The following RBFOX1 variants were observed in gnomAD, a reference collection of about 807,000 sequenced individuals.
The protein encoded by RBFOX1 is RNA binding fox-1 homolog 1.
A neutral mutation model predicts 57.7 loss-of-function variants in RBFOX1; 8 were observed. The ratio of observed to expected loss-of-function variants is 0.14; its 90% CI spans 0.08 to 0.25. The LOEUF is 0.25. Among genes scored for constraint, RBFOX1 ranks in the 10% least tolerant of loss-of-function variants. The pLI, the probability that RBFOX1 is intolerant of heterozygous loss-of-function variation, is 1.00. For missense variants in RBFOX1, 611 were observed against 548.5 expected (o/e 1.11, Z -1.14); for synonymous variants, 326 against 222.4 (o/e 1.47, Z -4.15).
chr16:5,967,600 C>T (rs1052421355), intron 4 of RBFOX1, among the ~76,000 whole-genome samples: 3 of 152,026 alleles, frequency 2.0e-5, no homozygotes, highest in Non-Finnish European at 4.4e-5. Flanking sequence ...TAAAATACAC[C>T]ATGGGCTCAT....
intron 2 of RBFOX1, among the ~76,000 whole-genome samples, chr16:5,575,852 A>G (rs532899936): frequency 1.5e-3 from 225 of 150,902 alleles, no homozygotes; most frequent in African/African-American, 5.3e-3. Context: ...CTCTCATTCA[A>G]AAAAAAAATA....
At chr16:6,073,754 G>T (rs1415298073) in intron 1 of RBFOX1, among the ~76,000 whole-genome samples, 4 of 151,982 alleles carry the variant, frequency 2.6e-5, no homozygotes, top group African/African-American at 9.7e-5. Context: ...TTTTTAAATT[G>T]CTGGAATGTT....
At chr16:7,652,347 ACTC>A (rs776575264) in intron 11 of RBFOX1, among the ~76,000 whole-genome samples, 3 of 151,874 alleles carry the variant, frequency 2.0e-5, no homozygotes, top group Non-Finnish European at 4.4e-5. Context: ...CCCCTTCCTA[ACTC>A]CTCCTCACCT....
rs530259919 is a variant in RBFOX1 at position 5,270,292 on chromosome 16, A to G, written c.219+30187A>G. 85 of 666,514 alleles carry G rather than the reference A, an allele frequency of 1.3e-4. 1 individual carries two copies. The highest frequency in any genetic ancestry group is 4.4e-4 in the Middle Eastern group (1 of 2,284). 41.3% of individuals were successfully genotyped at this position (666,514 alleles called of 1,614,324 possible). A position where few individuals can be genotyped will look rare whatever the true frequency, so the allele number is the denominator to read the frequency against. ...GATGTAAAAGCACCTGCTATGTTCA[A>G]TGTAAGAAATATTGGAAAGACTTGG... On this transcript the variant is annotated intron_variant, in intron 1 of 2. Transcript: ENST00000585867.
intron 1 of RBFOX1, among the ~76,000 whole-genome samples, chr16:6,272,618 T>G (rs2075327720): frequency 6.6e-6 from 1 of 152,148 alleles, no homozygotes; most frequent in South Asian, 2.1e-4. Flanking sequence ...GCCATGAAAT[T>G]TAAAAAGCTT....
At chr16:5,978,056 A>T (rs1315115672) in intron 4 of RBFOX1, among the ~76,000 whole-genome samples, 1 of 146,076 alleles carries the variant, frequency 6.8e-6, no homozygotes, top group Non-Finnish European at 1.5e-5. Context: ...AAGCTTTCCA[A>T]AGTGGAAGGA....
At chr16:6,304,334 A>G (rs958665619) in intron 1 of RBFOX1, among the ~76,000 whole-genome samples, 4 of 152,032 alleles carry the variant, frequency 2.6e-5, no homozygotes, top group Non-Finnish European at 5.9e-5. Context: ...TGCATTCCCA[A>G]TGATGTGTTT....
intron 2 of RBFOX1, among the ~76,000 whole-genome samples, chr16:6,344,734 A>G (rs1222409047): frequency 7.6e-6 from 1 of 131,626 alleles, no homozygotes; most frequent in Non-Finnish European, 1.5e-5. Context: ...TCTGTCGCCA[A>G]GGCTGGAGTG....
At chr16:7,460,865 A>T (rs1289256113) in intron 4 of RBFOX1, among the ~76,000 whole-genome samples, 1 of 152,182 alleles carries the variant, frequency 6.6e-6, no homozygotes, top group Non-Finnish European at 1.5e-5. Flanking sequence ...TCTTGGGCAG[A>T]GTCTGATATT....
intron 4 of RBFOX1, among the ~76,000 whole-genome samples, chr16:7,498,726 A>T (rs1323617716): frequency 6.6e-6 from 1 of 152,144 alleles, no homozygotes; most frequent in African/African-American, 2.4e-5. Flanking sequence ...ACACCCAATG[A>T]CCACACATGG....
chr16:5,841,137 C>T (rs891370779), intron 3 of RBFOX1, among the ~76,000 whole-genome samples: 1 of 152,130 alleles, frequency 6.6e-6, no homozygotes, highest in Non-Finnish European at 1.5e-5. Flanking sequence ...TTGCGTCAAA[C>T]ATTTTACATA....
intron 13 of RBFOX1, among the ~76,000 whole-genome samples, chr16:7,674,280 C>G (rs746876663): frequency 2.0e-4 from 30 of 152,124 alleles, no homozygotes; most frequent in Admixed American, 4.6e-4. Context: ...ATTGTCCAAT[C>G]CTTTGGCCAC....
chr16:6,118,789 C>CCT (rs1394264785), intron 1 of RBFOX1, among the ~76,000 whole-genome samples: 1 of 148,728 alleles, frequency 6.7e-6, no homozygotes, highest in African/African-American at 2.5e-5. Context: ...CCCTCTCTTT[C>CCT]TCTCTCTCCT....
intron 7 of RBFOX1, among the ~76,000 whole-genome samples, chr16:7,594,308 T>C (rs1022060046): frequency 2.0e-5 from 3 of 152,196 alleles, no homozygotes; most frequent in African/African-American, 7.2e-5. Flanking sequence ...CTAAGTATTA[T>C]ACTGTCCCAA....
At position 7,224,132 on chromosome 16, in the gene RBFOX1, A is replaced by AAAAG. The variant is rs1381816197; in HGVS notation, c.27+172037_27+172038insGAAA. Among the ~76,000 whole-genome samples the AAAAG allele has an allele frequency of 8.5e-4, 122 of 143,278 alleles. 2 individuals are homozygous for AAAAG. The highest frequency in any genetic ancestry group is 3.1e-3 in the African/African-American group (119 of 38,272). 94.0% of individuals were successfully genotyped at this position (143,278 alleles called of 152,430 possible). A position where few individuals can be genotyped will look rare whatever the true frequency, so the allele number is the denominator to read the frequency against. ...ATCCTGATTCTTCCTTTTTCTAAAAAAAAAAAAAAAAAAAAAAAAAAAAAG... is the reference window on the plus strand; with the variant it reads ...ATCCTGATTCTTCCTTTTTCTAAAAAAAAGAAAAAAAAAAAAAAAAAAAAAAAAG... On this transcript the variant is annotated intron_variant, in intron 4 of 15. Transcript: ENST00000550418.
chr16:6,734,165 T>C (rs1204273452), intron 3 of RBFOX1, among the ~76,000 whole-genome samples: 1 of 152,200 alleles, frequency 6.6e-6, no homozygotes, highest in Non-Finnish European at 1.5e-5. Context: ...TTGACGTTTT[T>C]TGTGCTTTTG....
intron 3 of RBFOX1, among the ~76,000 whole-genome samples, chr16:6,853,581 G>A (rs1456451894): frequency 6.6e-6 from 1 of 152,042 alleles, no homozygotes; most frequent in Admixed American, 6.5e-5. Context: ...GTTAGCAAAC[G>A]GATTCCTACC....
intron 2 of RBFOX1, among the ~76,000 whole-genome samples, chr16:6,532,986 G>T (rs903136853): frequency 6.6e-6 from 1 of 152,134 alleles, no homozygotes; most frequent in Non-Finnish European, 1.5e-5. Context: ...GTGATTACTC[G>T]AAGTTGTCCT....
At chr16:5,902,997 A>G (rs1270283702) in intron 4 of RBFOX1, among the ~76,000 whole-genome samples, 2 of 151,968 alleles carry the variant, frequency 1.3e-5, no homozygotes, top group Admixed American at 6.6e-5. Flanking sequence ...CCCACCCTCA[A>G]CAAACGTGTG....
Sources: allele counts gnomAD v4.1 joint callset (sites outside exome capture counted in the v4.1 genomes callset), GRCh38; gene constraint gnomAD v4.1.1; transcripts MANE v1.5; gene names NCBI Gene and HGNC (gene_info 2026-07-23, HGNC 2026-07-21).